The following YY1AP1 variants were observed in gnomAD, a reference collection of about 807,000 sequenced individuals.
YY1AP1 encodes YY1-associated protein 1.
Under a neutral mutation model 39.9 loss-of-function variants are expected in YY1AP1, and 43 were observed. The observed-to-expected ratio is 1.08, with a 90% CI of 0.84 to 1.39. The LOEUF (loss-of-function observed/expected upper bound fraction) is 1.39, where lower values mean the gene tolerates loss of function less well. YY1AP1 is among the 40% of genes most tolerant of loss of function. YY1AP1 has a pLI of 0.00. For synonymous variants in YY1AP1, 292 were observed against 331.3 expected (o/e 0.88, Z 1.29); for missense variants, 813 against 900.7 (o/e 0.90, Z 1.25).
At chr1:155,667,676 G>C (rs1649216929) in intron 9 of YY1AP1, among the ~76,000 whole-genome samples, 1 of 151,562 alleles carries the variant, frequency 6.6e-6, no homozygotes, top group East Asian at 2.0e-4. Context: ...ACAAAAATCA[G>C]CTGGGCATGG....
At chr1:155,662,844 A>G (rs1466784141) in intron 9 of YY1AP1, among the ~76,000 whole-genome samples, 1 of 151,488 alleles carries the variant, frequency 6.6e-6, no homozygotes, top group East Asian at 2.0e-4. Flanking sequence ...CTAATAAAGT[A>G]CAAAAAAAAA....
In YY1AP1 at chr1:155,688,199, C is replaced by T. The variant is rs372348521; in HGVS notation, c.-149G>A. 4.6e-5 allele frequency: 74 copies of T among 1,613,948 alleles called. No homozygotes were observed. Among genetic ancestry groups the T allele is most frequent in the Non-Finnish European group, 5.4e-5 (64 of 1,179,940 alleles). The stretch of plus-strand genomic sequence containing the variant: ...GTCAGGAGGCGGCCAGCGGGTAAGC[C>T]GACTGGCGGAAATGCGAGAGAGGAG... On this transcript the variant is annotated splice_region_variant and 5_prime_UTR_variant, in exon 2 of 11. Transcript: ENST00000355499.
At position 155,670,416 on chromosome 1, in the gene YY1AP1, G is replaced by A. The variant is rs1649680534; in HGVS notation, c.632C>T (p.Thr211Ile). The A allele has an allele frequency of 6.2e-7, 1 of 1,614,018 alleles. No homozygotes were observed. The highest frequency in any genetic ancestry group is 1.7e-5 in the Admixed American group (1 of 59,998). ...LPKQVAWILA[T>I]SKVFMYPELL... is the part of the protein sequence containing the mutation. ...CTCTGGATACATGAAAACCTTGCTTGTGGCCAGGATCCAAGCCACTTGCTT... is the reference window on the plus strand; with the variant it reads ...CTCTGGATACATGAAAACCTTGCTTATGGCCAGGATCCAAGCCACTTGCTT... The change falls in exon 8 of 11, where the codon ACA becomes ATA. Residue 211 changes from threonine (T) to isoleucine (I), a missense_variant. Thr to Ile is a moderately conservative substitution (Grantham distance 89). This residue lies in a region of YY1AP1 where 31 missense variants were observed against 63.7 expected (regional missense o/e 0.49). Coordinates refer to ENST00000355499, the MANE Select transcript of YY1AP1 (RefSeq NM_139119.3).
rs1571308707 is a variant in YY1AP1, at chr1:155,660,789, A to C, written c.1121T>G (p.Leu374Trp). Residue 374 changes from leucine (L) to tryptophan (W), a missense_variant, in exon 11 of 11, where the codon TTG (leucine) becomes TGG (tryptophan). Transcript: ENST00000355499. ...CAGTGGGTACCGAGTTTCACTCCCC[A>C]ACTCTGAGTTGTCTTTTTCTAGGCC... Reference protein sequence around the residue: ...DQGLEKDNSELGSETRYPLLL... With the variant: ...DQGLEKDNSEWGSETRYPLLL... 6.2e-7 allele frequency: 1 copy of C among 1,614,180 alleles called. No homozygotes were observed. Among genetic ancestry groups the C allele is most frequent in the Non-Finnish European group, 8.5e-7 (1 of 1,180,040 alleles).
chr1:155,675,833 C>T (rs956256797), intron 5 of YY1AP1, among the ~76,000 whole-genome samples: 4 of 152,128 alleles, frequency 2.6e-5, no homozygotes, highest in African/African-American at 9.7e-5. Flanking sequence ...GTGAGAACAA[C>T]GTAGGATCTT....
At chr1:155,688,564 C>A in intron 1 of YY1AP1, 95 bp downstream of exon 1, 1 of 1,538,430 alleles carries the variant, frequency 6.5e-7, no homozygotes, top group Non-Finnish European at 8.7e-7. Context: ...AGCCAGCCAT[C>A]CCGTACGCGC....
At chr1:155,667,953 AACACAC>A (rs575258946) in intron 9 of YY1AP1, among the ~76,000 whole-genome samples, 19 of 144,936 alleles carry the variant, frequency 1.3e-4, no homozygotes, top group African/African-American at 2.6e-4. Flanking sequence ...GACACACACA[AACACAC>A]ACACACACAC....
chr1:155,680,952 ATGAG>A (rs1651420618), intron 2 of YY1AP1, among the ~76,000 whole-genome samples: 1 of 152,064 alleles, frequency 6.6e-6, no homozygotes, highest in African/African-American at 2.4e-5. Flanking sequence ...ATATGAGAGA[ATGAG>A]AGAGAGAGAG....
At chr1:155,676,005 C>T (rs992804708) in intron 5 of YY1AP1, among the ~76,000 whole-genome samples, 55 of 152,146 alleles carry the variant, frequency 3.6e-4, no homozygotes, top group Non-Finnish European at 6.0e-4. Flanking sequence ...GGGTGGATCA[C>T]GAGGTTAGGA....
intron 7 of YY1AP1, chr1:155,672,309 C>A (rs555234349): frequency 1.8e-6 from 1 of 563,538 alleles, no homozygotes; most frequent in South Asian, 2.0e-5. Flanking sequence ...AGCACTGAGC[C>A]TCAGATCTCT....
intron 9 of YY1AP1, among the ~76,000 whole-genome samples, chr1:155,663,323 A>AT (rs1648451646): frequency 6.6e-6 from 1 of 151,338 alleles, no homozygotes; most frequent in Admixed American, 6.6e-5. Flanking sequence ...GTGGGCCGAC[A>AT]TCACGCCACT....
intron 2 of YY1AP1, among the ~76,000 whole-genome samples, chr1:155,687,065 G>C (rs984538008): frequency 1.3e-5 from 2 of 152,082 alleles, no homozygotes; most frequent in Non-Finnish European, 2.9e-5. Flanking sequence ...ATGGAAGAAA[G>C]CATCCTACCA....
rs530800748 is a variant in YY1AP1, at chr1:155,662,445, A to C, written c.880-1022T>G. Among the ~76,000 whole-genome samples, 6 of 151,898 alleles carry C rather than the reference A, an allele frequency of 4.0e-5. No individual in the cohort carries two copies. In the East Asian group the frequency reaches 1.2e-3, roughly 29 times the overall value. ...GTGGGGGTGGTAGGGTGGAGATTGC[A>C]GTGAGCCAAGATCATGCCACTGCAC... is the stretch of plus-strand genomic sequence containing the variant. On this transcript the variant is annotated intron_variant, in intron 9 of 10. Transcript: ENST00000355499.
In YY1AP1 at chr1:155,660,422, C is replaced by G; in HGVS notation, c.1488G>C (p.Leu496=). The change falls in exon 11 of 11, where the codon CTG becomes CTC. Residue 496 remains leucine, a synonymous_variant. Transcript: ENST00000355499. The part of the protein sequence containing the change: ...MPPEARTSFP[L]SESQTLLSSA... ...AAGAGAGCAAAGTCTGGGACTCAGA[C>G]AGAGGGAAGCTTGTCCTGGCCTCAG... The G allele has an allele frequency of 6.2e-7, 1 of 1,614,150 alleles. No individual in the cohort carries two copies.
At chr1:155,668,321 A>G (rs1649349543) in intron 9 of YY1AP1, among the ~76,000 whole-genome samples, 1 of 152,160 alleles carries the variant, frequency 6.6e-6, no homozygotes, top group Admixed American at 6.6e-5. Context: ...CAAAAAAACA[A>G]AACAAAACAA....
intron 9 of YY1AP1, among the ~76,000 whole-genome samples, chr1:155,665,166 T>C (rs7521594): frequency 0.38 from 58,265 of 151,634 alleles, 13,128 homozygotes; most frequent in East Asian, 0.69. Context: ...GCCTATAATC[T>C]CAGCACTTTG....
chr1:155,668,249 C>T (rs1649332097), intron 9 of YY1AP1, among the ~76,000 whole-genome samples: 1 of 152,104 alleles, frequency 6.6e-6, no homozygotes, highest in Admixed American at 6.6e-5. Context: ...TGCAGTGAGC[C>T]AAGATCATGC....
chr1:155,672,629 G>A lies in YY1AP1; in HGVS notation c.514C>T (p.Gln172Ter). ...TGTGTGCTGAAGTCTTCAATCAGCT[G>A]CATAGCTCCCATCAAGTTACAGGGT... ...FQPCNLMGAM[Q>*]LIEDFSTHVS... The change falls in exon 7 of 11, where the codon CAG becomes TAG. Residue 172 changes from glutamine (Q) to a stop codon, truncating the protein, a stop_gained. Coordinates refer to ENST00000355499, the MANE Select transcript of YY1AP1 (RefSeq NM_139119.3). LOFTEE classifies it high-confidence loss of function. The A allele has an allele frequency of 6.2e-7, 1 of 1,613,372 alleles. No homozygotes were observed.
chr1:155,663,467 T>G (rs1221634790), intron 9 of YY1AP1, among the ~76,000 whole-genome samples: 1 of 151,878 alleles, frequency 6.6e-6, no homozygotes, highest in Non-Finnish European at 1.5e-5. Flanking sequence ...ACACCTGTAA[T>G]CCCAGCACTC....
Sources: allele counts gnomAD v4.1 joint callset (sites outside exome capture counted in the v4.1 genomes callset), GRCh38; gene constraint gnomAD v4.1.1; regional missense constraint gnomAD v4.1.1; transcripts MANE v1.5; gene names NCBI Gene and HGNC (gene_info 2026-07-23, HGNC 2026-07-21).